The following NLGN1 variants were observed in gnomAD, a reference collection of about 807,000 sequenced individuals.
The protein encoded by NLGN1 is neuroligin 1, also known as neuroligin-1.
NLGN1 carries 12 observed loss-of-function variants against 65.5 expected under a neutral mutation model. The observed-to-expected ratio is 0.18, with a 90% CI of 0.12 to 0.30. The LOEUF is 0.30. Ranked by LOEUF, NLGN1 falls within the 10% of genes least tolerant of loss-of-function variation. NLGN1 has a pLI of 1.00. For synonymous variants in NLGN1, 350 were observed against 359.5 expected (o/e 0.97, Z 0.30); for missense variants, 750 against 1,007.1 (o/e 0.74, Z 3.46).
At chr3:173,886,112 A>G (rs1338224983) in intron 4 of NLGN1, among the ~76,000 whole-genome samples, 1 of 152,116 alleles carries the variant, frequency 6.6e-6, no homozygotes, top group Non-Finnish European at 1.5e-5. Context: ...CTCTTATGCA[A>G]CCACTACCAA....
intron 4 of NLGN1, among the ~76,000 whole-genome samples, chr3:174,016,317 C>A (rs291919): frequency 6.6e-6 from 1 of 152,194 alleles, no homozygotes; most frequent in African/African-American, 2.4e-5. Context: ...ATGGGCCAGA[C>A]TCTAAAAGTA....
In NLGN1 at chr3:174,275,534, T is replaced by C. The variant is rs371120320; in HGVS notation, c.859+7T>C. 6 of 1,606,944 alleles carry C rather than the reference T, an allele frequency of 3.7e-6. No homozygotes were observed. The highest frequency in any genetic ancestry group is 5.1e-6 in the Non-Finnish European group (6 of 1,174,916). On this transcript the variant is annotated splice_region_variant and intron_variant, in intron 5 of 6. Transcript: ENST00000457714. ...TGGAGCAATTCAACCAAAGGTATTA[T>C]GCAAGGTTGCAAATTTTGACAATTT...
intron 4 of NLGN1, among the ~76,000 whole-genome samples, chr3:174,095,045 A>C (rs1382484897): frequency 6.6e-6 from 1 of 152,106 alleles, no homozygotes; most frequent in Non-Finnish European, 1.5e-5. Flanking sequence ...GGCATTTATG[A>C]AAGAAAAAAA....
chr3:173,905,241 G>A (rs1738153028), intron 4 of NLGN1, among the ~76,000 whole-genome samples: 1 of 152,220 alleles, frequency 6.6e-6, no homozygotes, highest in East Asian at 1.9e-4. Context: ...CAGATGAATG[G>A]CACTGCAAAC....
At chr3:174,052,984 A>G (rs1227072167) in intron 4 of NLGN1, among the ~76,000 whole-genome samples, 6 of 151,998 alleles carry the variant, frequency 3.9e-5, no homozygotes, top group Non-Finnish European at 2.9e-5. Flanking sequence ...ACCTGTTCCT[A>G]TGAAGGCCAT....
At chr3:173,982,966 T>C (rs1020024358) in intron 4 of NLGN1, among the ~76,000 whole-genome samples, 2 of 152,142 alleles carry the variant, frequency 1.3e-5, no homozygotes, top group Non-Finnish European at 2.9e-5. Context: ...AGATCATAGA[T>C]AGAATGAGTA....
chr3:174,147,678 G>A (rs758916035), intron 4 of NLGN1, among the ~76,000 whole-genome samples: 5 of 151,896 alleles, frequency 3.3e-5, no homozygotes, highest in Non-Finnish European at 7.4e-5. Flanking sequence ...TAAAAACCGT[G>A]TGGGCCAAGC....
chr3:173,904,628 A>C (rs2152196552), intron 4 of NLGN1, among the ~76,000 whole-genome samples: 1 of 152,186 alleles, frequency 6.6e-6, no homozygotes, highest in African/African-American at 2.4e-5. Context: ...ATCTTGAGAG[A>C]AATATCCATC....
At chr3:173,517,525 T>G (rs1369301351) in intron 2 of NLGN1, among the ~76,000 whole-genome samples, 1 of 152,074 alleles carries the variant, frequency 6.6e-6, no homozygotes, top group African/African-American at 2.4e-5. Context: ...TATATATATA[T>G]TTCACTATAT....
chr3:173,931,316 G>T (rs1206108529), intron 4 of NLGN1, among the ~76,000 whole-genome samples: 1 of 152,098 alleles, frequency 6.6e-6, no homozygotes, highest in Non-Finnish European at 1.5e-5. Context: ...ATGTTAGTGG[G>T]TGAGAAGTGC....
chr3:174,115,856 G>A (rs1716292433), intron 4 of NLGN1, among the ~76,000 whole-genome samples: 1 of 152,206 alleles, frequency 6.6e-6, no homozygotes, highest in Admixed American at 6.5e-5. Context: ...CAATGAAGAT[G>A]TTGAAGTACA....
In NLGN1 at chr3:173,923,713, T is replaced by C. The variant is rs188252319; in HGVS notation, c.646+115881T>C. 1.6e-4 allele frequency among the ~76,000 whole-genome samples: 24 copies of C among 152,260 alleles called. No individual in the cohort carries two copies. The East Asian group carries it at 4.4e-3, about 28-fold the overall frequency. On this transcript the variant is annotated intron_variant, in intron 4 of 6. Transcript: ENST00000457714. ...CTTAGATCATTAAGTAAAGAAAATA[T>C]TTAAAATATTGGTGATTGTATTTAG...
intron 4 of NLGN1, among the ~76,000 whole-genome samples, chr3:173,858,405 C>T (rs1441360130): frequency 1.3e-5 from 2 of 151,930 alleles, no homozygotes; most frequent in East Asian, 3.9e-4. Context: ...CAGTTTTTTT[C>T]AAGGTCTGAA....
Position 173,801,035 on chromosome 3 carries a change from G to T in NLGN1, c.494-6645G>T, listed in dbSNP as rs116938421. Among the ~76,000 whole-genome samples, 153 of 151,990 alleles carry T rather than the reference G, an allele frequency of 1.0e-3. 2 individuals are homozygous for T. In the East Asian group the frequency reaches 0.022, roughly 22 times the overall value. On this transcript the variant is annotated intron_variant, in intron 3 of 6. Transcript: ENST00000457714. ...GATAGAGTCTGTAGCTATTTTCTTA[G>T]ACAAGATTCAATGAATATTCTTAAT... is the stretch of plus-strand genomic sequence containing the variant.
chr3:174,118,333 C>G (rs1043735025), intron 4 of NLGN1, among the ~76,000 whole-genome samples: 7 of 152,132 alleles, frequency 4.6e-5, no homozygotes, highest in Non-Finnish European at 8.8e-5. Context: ...ACTCTAATAT[C>G]TTGCATGTAG....
chr3:173,925,616 CAG>C, intron 4 of NLGN1, among the ~76,000 whole-genome samples: 1 of 152,214 alleles, frequency 6.6e-6, no homozygotes. Context: ...GGAACCAGGA[CAG>C]AAAGGAAGAG....
Position 174,154,382 on chromosome 3 carries a change from T to C in NLGN1, c.647-120933T>C, listed in dbSNP as rs1326920303. Among the ~76,000 whole-genome samples the C allele has an allele frequency of 2.6e-5, 4 of 152,098 alleles. No individual in the cohort carries two copies. The East Asian group carries it at 5.8e-4, about 22-fold the overall frequency. Reference sequence around the variant, plus strand: ...GAGTGACAATATTTCCCATTTAATCTAGGGCTCCCTGTTCTCAAATAAATT... The same window carrying C: ...GAGTGACAATATTTCCCATTTAATCCAGGGCTCCCTGTTCTCAAATAAATT... On this transcript the variant is annotated intron_variant, in intron 4 of 6. Transcript: ENST00000457714.
At chr3:174,087,614 T>C (rs1743672675) in intron 4 of NLGN1, among the ~76,000 whole-genome samples, 1 of 152,092 alleles carries the variant, frequency 6.6e-6, no homozygotes, top group Non-Finnish European at 1.5e-5. Context: ...ATACACACAT[T>C]CTCTGCATTT....
At chr3:173,688,223 C>T (rs551925226) in intron 3 of NLGN1, among the ~76,000 whole-genome samples, 3 of 152,242 alleles carry the variant, frequency 2.0e-5, no homozygotes, top group South Asian at 2.1e-4. Flanking sequence ...CTTTGTAAAC[C>T]GTTAAGCCAA....
Sources: allele counts gnomAD v4.1 joint callset (sites outside exome capture counted in the v4.1 genomes callset), GRCh38; gene constraint gnomAD v4.1.1; transcripts MANE v1.5; gene names NCBI Gene and HGNC (gene_info 2026-07-23, HGNC 2026-07-21).